Variants in STXBP5L observed in about 807,000 individuals in gnomAD.
The protein encoded by STXBP5L is syntaxin-binding protein 5-like.
A neutral mutation model predicts 144.5 loss-of-function variants in STXBP5L; 65 were observed. The ratio of observed to expected loss-of-function variants is 0.45; its 90% CI spans 0.37 to 0.55. STXBP5L has a LOEUF of 0.55. Ranked by LOEUF, STXBP5L falls within the 20% of genes least tolerant of loss-of-function variation. The probability of loss-of-function intolerance (pLI) is 0.00; values close to 1 mark genes in which losing one functional copy is unlikely to be tolerated. For missense variants in STXBP5L, 1,298 were observed against 1,405.5 expected (o/e 0.92, Z 1.22); for synonymous variants, 505 against 469.6 (o/e 1.08, Z -0.97).
rs2046256082 is a variant in STXBP5L, at chr3:121,378,819, A to G, written c.2280A>G (p.Gly760=). The stretch of plus-strand genomic sequence containing the variant: ...CAAAAGTAAATCGCTGGGGTCCTGG[A>G]AGACCACCATTTCGAAAGGCCCAGT... ...DVSKVNRWGP[G]RPPFRKAQSA... Residue 760 remains glycine (G), a synonymous_variant, in exon 21 of 27, where the codon GGA becomes GGG. Transcript: ENST00000471454. 1.9e-6 allele frequency: 3 copies of G among 1,613,658 alleles called. No homozygotes were observed. The highest frequency in any genetic ancestry group is 2.5e-6 in the Non-Finnish European group (3 of 1,179,854).
intron 3 of STXBP5L, among the ~76,000 whole-genome samples, chr3:120,978,984 G>T (rs185479219): frequency 1.4e-4 from 21 of 152,316 alleles, no homozygotes; most frequent in African/African-American, 4.3e-4. Flanking sequence ...TATGCTGCTT[G>T]GGGGTCAGGG....
chr3:121,053,220 T>A (rs977981534), intron 5 of STXBP5L, among the ~76,000 whole-genome samples: 15 of 152,178 alleles, frequency 9.9e-5, no homozygotes, highest in Non-Finnish European at 1.8e-4. Flanking sequence ...AATGGCTTTC[T>A]TCACAGAATT....
chr3:121,306,667 G>T (rs1044561326), intron 19 of STXBP5L, among the ~76,000 whole-genome samples: 18 of 152,228 alleles, frequency 1.2e-4, no homozygotes, highest in Non-Finnish European at 2.1e-4. Context: ...GAAATTTGGT[G>T]ATAATGAAAT....
chr3:121,012,348 C>T (rs1273585920), intron 3 of STXBP5L, among the ~76,000 whole-genome samples: 1 of 151,798 alleles, frequency 6.6e-6, no homozygotes, highest in Non-Finnish European at 1.5e-5. Flanking sequence ...ATTGCTGCAT[C>T]ATGTGGTAAC....
chr3:121,176,300 T>C (rs1436964456), intron 9 of STXBP5L, among the ~76,000 whole-genome samples: 1 of 151,032 alleles, frequency 6.6e-6, no homozygotes, highest in Non-Finnish European at 1.5e-5. Flanking sequence ...TTAGAAAAGA[T>C]CTAAAATCAG....
chr3:120,935,997 T>C (rs917530822), intron 2 of STXBP5L, among the ~76,000 whole-genome samples: 1 of 152,184 alleles, frequency 6.6e-6, no homozygotes, highest in Non-Finnish European at 1.5e-5. Context: ...TCCCATTATG[T>C]GTATTTACAT....
At chr3:121,152,315 C>T (rs2045960884) in intron 7 of STXBP5L, among the ~76,000 whole-genome samples, 162 bp from the exon 8 acceptor site, 1 of 151,804 alleles carries the variant, frequency 6.6e-6, no homozygotes, top group Non-Finnish European at 1.5e-5. Context: ...GCAGAGTTTG[C>T]CATTTTTTAA....
chr3:120,953,930 T>G (rs1015663958), intron 2 of STXBP5L, among the ~76,000 whole-genome samples: 2 of 152,164 alleles, frequency 1.3e-5, no homozygotes, highest in African/African-American at 4.8e-5. Flanking sequence ...CTAATTTTTA[T>G]GATGTAGGTT....
At chr3:121,341,657 A>T (rs911971435) in intron 20 of STXBP5L, among the ~76,000 whole-genome samples, 3 of 152,144 alleles carry the variant, frequency 2.0e-5, no homozygotes, top group Non-Finnish European at 4.4e-5. Context: ...AATATGGTAG[A>T]TATACACAAT....
At chr3:121,270,786 G>A (rs1354267791) in intron 18 of STXBP5L, among the ~76,000 whole-genome samples, 1 of 151,964 alleles carries the variant, frequency 6.6e-6, no homozygotes, top group East Asian at 1.9e-4. Flanking sequence ...TATTTTTAGA[G>A]TACAGCCAAT....
chr3:121,140,125 A>T lies in STXBP5L; in HGVS notation c.670-12352A>T, dbSNP rs1003243070. 2.7e-5 allele frequency among the ~76,000 whole-genome samples: 4 copies of T among 145,842 alleles called. No homozygotes were observed. In the South Asian group the frequency reaches 8.5e-4, roughly 31 times the overall value. On this transcript the variant is annotated intron_variant, in intron 7 of 26. Coordinates refer to ENST00000471454, the MANE Select transcript of STXBP5L (RefSeq NM_001308330.2). ...GACAAGAGACATTTTTCAAAAGAAG[A>T]CATATTATAAATGGCCAACAAGTAT...
intron 3 of STXBP5L, among the ~76,000 whole-genome samples, chr3:120,967,295 T>C (rs370478590): frequency 6.6e-5 from 10 of 152,144 alleles, no homozygotes; most frequent in South Asian, 2.1e-4. Context: ...TCACCCTCCG[T>C]GGGCTGCACC....
At chr3:120,924,077 C>G (rs1709488927) in intron 2 of STXBP5L, among the ~76,000 whole-genome samples, 1 of 152,164 alleles carries the variant, frequency 6.6e-6, no homozygotes, top group Non-Finnish European at 1.5e-5. Flanking sequence ...CTATCTTTCT[C>G]AAATCAGTAG....
chr3:121,023,710 C>T (rs1364046803), intron 3 of STXBP5L, among the ~76,000 whole-genome samples: 1 of 152,178 alleles, frequency 6.6e-6, no homozygotes, highest in East Asian at 1.9e-4. Flanking sequence ...TCTTCTCTCA[C>T]TTTATACAAA....
chr3:120,990,326 G>T (rs1231507287), intron 3 of STXBP5L, among the ~76,000 whole-genome samples: 1 of 152,156 alleles, frequency 6.6e-6, no homozygotes, highest in African/African-American at 2.4e-5. Flanking sequence ...ACAAATGGAA[G>T]AACATTCCTT....
intron 3 of STXBP5L, among the ~76,000 whole-genome samples, chr3:120,963,994 G>A (rs904171049): frequency 2.6e-5 from 4 of 152,162 alleles, no homozygotes; most frequent in African/African-American, 9.7e-5. Flanking sequence ...TCCTGGCTTA[G>A]TGTTGCGAGG....
At chr3:121,321,409 A>T (rs572621405) in intron 20 of STXBP5L, among the ~76,000 whole-genome samples, 1 of 152,320 alleles carries the variant, frequency 6.6e-6, no homozygotes, top group African/African-American at 2.4e-5. Context: ...AATGATAATT[A>T]ATTGTGCTAT....
chr3:120,994,489 T>A (rs779530797), intron 3 of STXBP5L, among the ~76,000 whole-genome samples: 6 of 152,124 alleles, frequency 3.9e-5, no homozygotes, highest in Non-Finnish European at 7.4e-5. Flanking sequence ...TGAGCATTTT[T>A]TATTTTGAGA....
At chr3:120,996,172 T>TTTTTG (rs1186330550) in intron 3 of STXBP5L, among the ~76,000 whole-genome samples, 2 of 152,078 alleles carry the variant, frequency 1.3e-5, no homozygotes, top group Non-Finnish European at 2.9e-5. Context: ...GCTTTCCATA[T>TTTTTG]TTTTGTTTTG....
Sources: allele counts gnomAD v4.1 joint callset (sites outside exome capture counted in the v4.1 genomes callset), GRCh38; gene constraint gnomAD v4.1.1; transcripts MANE v1.5; gene names NCBI Gene and HGNC (gene_info 2026-07-23, HGNC 2026-07-21).